The following DNAJB9 variants were observed in gnomAD, a reference collection of about 807,000 sequenced individuals.
DNAJB9 encodes dnaJ homolog subfamily B member 9.
A neutral mutation model predicts 19.2 loss-of-function variants in DNAJB9; 12 were observed. The ratio of observed to expected loss-of-function variants is 0.62; its 90% CI spans 0.40 to 1.01. DNAJB9 has a LOEUF of 1.01. DNAJB9 is among the 50% of genes least tolerant of loss of function. The pLI is 0.00. For missense variants in DNAJB9, 272 were observed against 261.1 expected (o/e 1.04, Z -0.29); for synonymous variants, 83 against 84.0 (o/e 0.99, Z 0.07).
intron 2 of DNAJB9, chr7:108,572,160 G>T (rs559082751): frequency 2.4e-6 from 1 of 418,936 alleles, no homozygotes; most frequent in African/African-American, 2.0e-5. Context: ...ATTGGTATAC[G>T]TATCTAAAAA....
At chr7:108,570,368 A>G (rs1490960693) in intron 1 of DNAJB9, among the ~76,000 whole-genome samples, 3 of 151,968 alleles carry the variant, frequency 2.0e-5, no homozygotes, top group Non-Finnish European at 4.4e-5. Flanking sequence ...CGGGCAGGGA[A>G]AGTGCCAGTC....
rs1156265127 is a variant in DNAJB9, at chr7:108,573,432, A to G, written c.*79A>G. 66 of 1,128,684 alleles carry G rather than the reference A, an allele frequency of 5.8e-5. No individual in the cohort carries two copies. Among genetic ancestry groups the G allele is most frequent in the Non-Finnish European group, 7.2e-5 (60 of 831,726 alleles). 69.9% of individuals were successfully genotyped at this position (1,128,684 alleles called of 1,614,324 possible). A position where few individuals can be genotyped will look rare whatever the true frequency, so the allele number is the denominator to read the frequency against. On this transcript the variant is annotated 3_prime_UTR_variant, in exon 3 of 3. Transcript: ENST00000249356. ...GATGCTAAACAATTTTCTGTGAACT[A>G]TTTTGACAAGTGCATGATTTCACTT... is the stretch of plus-strand genomic sequence containing the variant.
At chr7:108,570,350 G>A (rs950662220) in intron 1 of DNAJB9, among the ~76,000 whole-genome samples, 3 of 152,162 alleles carry the variant, frequency 2.0e-5, no homozygotes, top group African/African-American at 4.8e-5. Context: ...TCTGCGGCGG[G>A]GCCTGGGCGG....
chr7:108,570,262 CCG>C (rs1790595218), intron 1 of DNAJB9, among the ~76,000 whole-genome samples, 159 bp downstream of exon 1: 1 of 152,150 alleles, frequency 6.6e-6, no homozygotes, highest in Non-Finnish European at 1.5e-5. Flanking sequence ...ACGGAGACAG[CCG>C]CATCACAGAA....
chr7:108,574,175 A>T lies in DNAJB9; in HGVS notation c.*822A>T, dbSNP rs912303300. 1.3e-5 allele frequency: 2 copies of T among 152,550 alleles called. No individual in the cohort carries two copies. Among genetic ancestry groups the T allele is most frequent in the African/African-American group, 4.8e-5 (2 of 41,422 alleles). The allele number at this position is 152,550 out of a possible 1,614,324, so 9.4% of individuals were successfully genotyped here. A position where few individuals can be genotyped will look rare whatever the true frequency, so the allele number is the denominator to read the frequency against. On this transcript the variant is annotated 3_prime_UTR_variant, in exon 3 of 3. Transcript: ENST00000249356. Reference sequence around the variant, plus strand: ...CATCTTTATCTAGAGATTGACTGATACCTCATTCTGTTTGTAAAACCAGCC... The same window carrying T: ...CATCTTTATCTAGAGATTGACTGATTCCTCATTCTGTTTGTAAAACCAGCC...
At position 108,573,480 on chromosome 7, in the gene DNAJB9, A is replaced by G. The variant is rs1173569279; in HGVS notation, c.*127A>G. On this transcript the variant is annotated 3_prime_UTR_variant, in exon 3 of 3. Coordinates refer to ENST00000249356, the MANE Select transcript of DNAJB9 (RefSeq NM_012328.3). ...CTTTAAACAATTTGATATAGCTATT[A>G]AATATATTTAAGGGTTTTTTTTTTT... 1.6e-6 allele frequency: 1 copy of G among 608,688 alleles called. No homozygotes were observed. The allele number at this position is 608,688 out of a possible 1,614,324, so 37.7% of individuals were successfully genotyped here.
intron 2 of DNAJB9, among the ~76,000 whole-genome samples, chr7:108,572,669 G>T (rs536695090): frequency 6.6e-6 from 1 of 152,212 alleles, no homozygotes; most frequent in African/African-American, 2.4e-5. Context: ...GAGTATTGCA[G>T]ATGGCATTGT....
At position 108,573,413 on chromosome 7, in the gene DNAJB9, A is replaced by G. The variant is rs1469157139; in HGVS notation, c.*60A>G. On this transcript the variant is annotated 3_prime_UTR_variant, in exon 3 of 3. Coordinates refer to ENST00000249356, the MANE Select transcript of DNAJB9 (RefSeq NM_012328.3). ...ACTCTTCCTCATTATCTTTGATGCTAAACAATTTTCTGTGAACTATTTTGA... is the reference window on the plus strand; with the variant it reads ...ACTCTTCCTCATTATCTTTGATGCTGAACAATTTTCTGTGAACTATTTTGA... 2 of 1,297,698 alleles carry G rather than the reference A, an allele frequency of 1.5e-6. No individual in the cohort carries two copies. The highest frequency in any genetic ancestry group is 2.4e-5 in the East Asian group (1 of 41,652). 80.4% of individuals were successfully genotyped at this position (1,297,698 alleles called of 1,614,324 possible).
chr7:108,571,328 C>T (rs1422612861), intron 1 of DNAJB9, among the ~76,000 whole-genome samples: 1 of 150,156 alleles, frequency 6.7e-6, no homozygotes, highest in Non-Finnish European at 1.5e-5. Context: ...AAGTTAAATA[C>T]ATTATTACTT....
chr7:108,571,172 A>G (rs1020774773), intron 1 of DNAJB9, among the ~76,000 whole-genome samples: 1 of 152,216 alleles, frequency 6.6e-6, no homozygotes, highest in African/African-American at 2.4e-5. Context: ...GTATTGTGAT[A>G]TTAAGATTCT....
At chr7:108,570,602 A>AG (rs1395261225) in intron 1 of DNAJB9, among the ~76,000 whole-genome samples, 1 of 152,222 alleles carries the variant, frequency 6.6e-6, no homozygotes, top group East Asian at 1.9e-4. Context: ...CCCTTTGACT[A>AG]GGGAGCAACC....
intron 2 of DNAJB9, 22 bp downstream of exon 2, chr7:108,571,965 A>T: frequency 6.2e-7 from 1 of 1,605,572 alleles, no homozygotes. Context: ...ACAATCTCTG[A>T]AGTGTCATGG....
In DNAJB9 at chr7:108,573,117, G is replaced by C. The variant is rs1393707397; in HGVS notation, c.436G>C (p.Asp146His). 1 of 1,614,068 alleles carries C rather than the reference G, an allele frequency of 6.2e-7. No homozygotes were observed. Among genetic ancestry groups the C allele is most frequent in the Non-Finnish European group, 8.5e-7 (1 of 1,179,946 alleles). The change falls in exon 3 of 3, where the codon GAT (aspartate) becomes CAT (histidine). Residue 146 changes from aspartate (D) to histidine (H), a missense_variant. Asp to His is a moderately conservative substitution (Grantham distance 81). Coordinates refer to ENST00000249356, the MANE Select transcript of DNAJB9 (RefSeq NM_012328.3). ...RFENHFQTRQ[D>H]GGSSRQRHHF... The stretch of plus-strand genomic sequence containing the variant: ...TGAAAATCATTTCCAGACACGCCAG[G>C]ATGGTGGTTCCAGTAGACAAAGGCA...
rs1254224096 is a variant in DNAJB9, at chr7:108,571,821, G to A, written c.95G>A (p.Gly32Asp). The change falls in exon 2 of 3, where the codon GGT becomes GAT. Residue 32 changes from glycine (G) to aspartate (D), a missense_variant. Transcript: ENST00000249356. ...TCAAAAAGCTACTATGATATCTTAGGTGTGCCAAAATCGGCATCAGAGCGC... is the reference window on the plus strand; with the variant it reads ...TCAAAAAGCTACTATGATATCTTAGATGTGCCAAAATCGGCATCAGAGCGC... ...LASKSYYDIL[G>D]VPKSASERQI... The A allele has an allele frequency of 3.7e-6, 6 of 1,614,074 alleles. No homozygotes were observed. Among genetic ancestry groups the A allele is most frequent in the East Asian group, 2.2e-5 (1 of 44,878 alleles).
At position 108,569,967 on chromosome 7, in the gene DNAJB9, T is replaced by A; in HGVS notation, c.-147T>A. Reference sequence around the variant, plus strand: ...GGGAAGGAGGAGCGCTAGGTCGGTGTACGACCGAGATTAGGGTGCGTGCCA... The same window carrying A: ...GGGAAGGAGGAGCGCTAGGTCGGTGAACGACCGAGATTAGGGTGCGTGCCA... On this transcript the variant is annotated 5_prime_UTR_variant, in exon 1 of 3. Transcript: ENST00000249356. The A allele has an allele frequency of 3.4e-6, 1 of 295,116 alleles. No homozygotes were observed. Among genetic ancestry groups the A allele is most frequent in the South Asian group, 3.6e-5 (1 of 27,588 alleles). The allele number at this position is 295,116 out of a possible 1,614,324, so 18.3% of individuals were successfully genotyped here. A position where few individuals can be genotyped will look rare whatever the true frequency, so the allele number is the denominator to read the frequency against.
chr7:108,570,666 G>A (rs1017102739), intron 1 of DNAJB9, among the ~76,000 whole-genome samples: 1 of 152,136 alleles, frequency 6.6e-6, no homozygotes, highest in Non-Finnish European at 1.5e-5. Flanking sequence ...AAACCGAGAA[G>A]TGGTTCTTGA....
chr7:108,573,413 A>T lies in DNAJB9; in HGVS notation c.*60A>T. On this transcript the variant is annotated 3_prime_UTR_variant, in exon 3 of 3. Coordinates refer to ENST00000249356, the MANE Select transcript of DNAJB9 (RefSeq NM_012328.3). Reference sequence around the variant, plus strand: ...ACTCTTCCTCATTATCTTTGATGCTAAACAATTTTCTGTGAACTATTTTGA... The same window carrying T: ...ACTCTTCCTCATTATCTTTGATGCTTAACAATTTTCTGTGAACTATTTTGA... The T allele has an allele frequency of 7.7e-7, 1 of 1,297,816 alleles. No homozygotes were observed. The highest frequency in any genetic ancestry group is 1.9e-5 in the South Asian group (1 of 53,552). 80.4% of individuals were successfully genotyped at this position (1,297,816 alleles called of 1,614,324 possible).
At chr7:108,572,855 A>G in intron 2 of DNAJB9, 44 bp from the exon 3 acceptor site, 1 of 1,474,504 alleles carries the variant, frequency 6.8e-7, no homozygotes, top group Non-Finnish European at 9.2e-7. Context: ...TGTAATTTTG[A>G]ATATTTTACC....
chr7:108,573,174 T>C lies in DNAJB9; in HGVS notation c.493T>C (p.Leu165=), dbSNP rs1790646525. The C allele has an allele frequency of 6.2e-7, 1 of 1,614,040 alleles. No homozygotes were observed. Among genetic ancestry groups the C allele is most frequent in the African/African-American group, 1.3e-5 (1 of 75,034 alleles). The change falls in exon 3 of 3, where the codon TTA becomes CTA. Residue 165 remains leucine, a synonymous_variant. Coordinates refer to ENST00000249356, the MANE Select transcript of DNAJB9 (RefSeq NM_012328.3). ...CCAAGAATTTTCTTTTGGAGGTGGA[T>C]TATTTGATGACATGTTTGAAGATAT... ...HFQEFSFGGG[L]FDDMFEDMEK...
Sources: allele counts gnomAD v4.1 joint callset (sites outside exome capture counted in the v4.1 genomes callset), GRCh38; gene constraint gnomAD v4.1.1; transcripts MANE v1.5; gene names NCBI Gene and HGNC (gene_info 2026-07-23, HGNC 2026-07-21).